The following HRH3 variants were observed in gnomAD, a reference collection of about 807,000 sequenced individuals.
HRH3 encodes histamine H3 receptor.
In HRH3, 13 loss-of-function variants were observed where a neutral mutation model predicts 21.6. The observed-to-expected ratio is 0.60, with a 90% confidence interval of 0.39 to 0.96. The LOEUF is 0.96. Among genes scored for constraint, HRH3 ranks in the 40% least tolerant of loss-of-function variants. HRH3 has a pLI of 0.00. For synonymous variants in HRH3, 276 were observed against 290.3 expected (o/e 0.95, Z 0.50); for missense variants, 461 against 622.7 (o/e 0.74, Z 2.76).
At position 62,216,471 on chromosome 20, in the gene HRH3, G is replaced by T; in HGVS notation, c.873C>A (p.Leu291=). The change falls in exon 3 of 3, where the codon CTC becomes CTA. Residue 291 remains leucine (L), a synonymous_variant. Transcript: ENST00000340177. ...AVGAEAGEAT[L]GGGGGGGSVA... is the part of the protein sequence containing the mutation. The stretch of plus-strand genomic sequence containing the variant: ...CGGAGCCGCCCCCACCGCCACCCCC[G>T]AGGGTCGCCTCCCCGGCCTCAGCGC... The T allele has an allele frequency of 6.4e-7, 1 of 1,552,892 alleles. No homozygotes were observed. The highest frequency in any genetic ancestry group is 1.2e-5 in the South Asian group (1 of 84,714).
At position 62,216,107 on chromosome 20, in the gene HRH3, G is replaced by A. The variant is rs1447757029; in HGVS notation, c.1237C>T (p.Pro413Ser). The A allele has an allele frequency of 1.2e-6, 2 of 1,612,758 alleles. No homozygotes were observed. The highest frequency in any genetic ancestry group is 1.7e-6 in the Non-Finnish European group (2 of 1,179,814). The change falls in exon 3 of 3, where the codon CCT becomes TCT. Residue 413 changes from proline to serine, a missense_variant. Physicochemically the swap from Pro to Ser is moderately conservative, Grantham distance 74. This residue lies in a region of HRH3 where 102 missense variants were observed against 166.6 expected (regional missense o/e 0.61). Coordinates refer to ENST00000340177, the MANE Select transcript of HRH3 (RefSeq NM_007232.3). ...ANSAVNPVLY[P>S]LCHHSFRRAF... Reference sequence around the variant, plus strand: ...CGGCGGAAGCTGTGGTGGCACAGAGGGTAGAGGACAGGGTTGACAGCCGAG... The same window carrying A: ...CGGCGGAAGCTGTGGTGGCACAGAGAGTAGAGGACAGGGTTGACAGCCGAG...
In HRH3 at chr20:62,220,151, C is replaced by A; in HGVS notation, c.-181G>T. 3 of 372,796 alleles carry A rather than the reference C, an allele frequency of 8.0e-6. No individual in the cohort carries two copies. In the South Asian group the frequency reaches 3.0e-4, roughly 37 times the overall value. The allele number at this position is 372,796 out of a possible 1,614,324, so 23.1% of individuals were successfully genotyped here. ...GGGCCGGGGCCAGAGCAGGCGGTGC[C>A]GAGGGGGCCGGGGCCGGATCCGAGC... On this transcript the variant is annotated 5_prime_UTR_variant, in exon 1 of 3. Coordinates refer to ENST00000340177, the MANE Select transcript of HRH3 (RefSeq NM_007232.3).
In HRH3 at chr20:62,216,482, C is replaced by T. The variant is rs1346726715; in HGVS notation, c.862G>A (p.Glu288Lys). The T allele has an allele frequency of 6.4e-7, 1 of 1,564,480 alleles. No individual in the cohort carries two copies. Among genetic ancestry groups the T allele is most frequent in the Non-Finnish European group, 8.7e-7 (1 of 1,155,500 alleles). ...CCACCGCCACCCCCGAGGGTCGCCTCCCCGGCCTCAGCGCCTACGGCCGCC... is the reference window on the plus strand; with the variant it reads ...CCACCGCCACCCCCGAGGGTCGCCTTCCCGGCCTCAGCGCCTACGGCCGCC... ...GEAAVGAEAG[E>K]ATLGGGGGGG... The change falls in exon 3 of 3, where the codon GAG (glutamate) becomes AAG (lysine). Residue 288 changes from glutamate to lysine, a missense_variant. By Grantham distance (56) the Glu-to-Lys change is moderately conservative. Coordinates refer to ENST00000340177, the MANE Select transcript of HRH3 (RefSeq NM_007232.3).
In HRH3 at chr20:62,215,847, C is replaced by T. The variant is rs199566955; in HGVS notation, c.*159G>A. 1.5e-5 allele frequency: 11 copies of T among 735,372 alleles called. No homozygotes were observed. Among genetic ancestry groups the T allele is most frequent in the African/African-American group, 1.1e-4 (6 of 56,232 alleles). 45.6% of individuals were successfully genotyped at this position (735,372 alleles called of 1,614,324 possible). ...GGGCCCTCTGGCCAACCCAGGAAGG[C>T]GCCTCCATGGCAGGGTGGCTGCCGT... On this transcript the variant is annotated 3_prime_UTR_variant, in exon 3 of 3. Transcript: ENST00000340177.
chr20:62,217,782 T>G (rs894884567), intron 2 of HRH3, among the ~76,000 whole-genome samples: 2 of 152,156 alleles, frequency 1.3e-5, no homozygotes, highest in Admixed American at 6.5e-5. Context: ...GTGGCAGCTC[T>G]CCTTGTGCCC....
intron 2 of HRH3, among the ~76,000 whole-genome samples, chr20:62,217,136 GC>G (rs978330199): frequency 6.6e-5 from 10 of 152,050 alleles, no homozygotes; most frequent in African/African-American, 2.2e-4. Flanking sequence ...CTCAGTGAGA[GC>G]CTCAGAAGCT....
rs1978700323 is a variant in HRH3 at position 62,219,107 on chromosome 20, G to C, written c.251-450C>G. 6.6e-6 allele frequency among the ~76,000 whole-genome samples: 1 copy of C among 151,852 alleles called. No individual in the cohort carries two copies. Among genetic ancestry groups the C allele is most frequent in the Non-Finnish European group, 1.5e-5 (1 of 67,934 alleles). On this transcript the variant is annotated intron_variant, in intron 1 of 2. Transcript: ENST00000340177. This position sits in a 1 kb window ranked among gnomAD's most constrained non-coding sequence, Gnocchi z 8.7. The stretch of plus-strand genomic sequence containing the variant: ...GAGAAAGCCTTTCTCCTGGCTGAAA[G>C]GGCACTTGGTTGCAGCCGCCAGCCG...
chr20:62,215,522 G>A lies in HRH3; in HGVS notation c.*484C>T, dbSNP rs201308420. ...GAGGGGTGAAAGGGCCAGGCCTGAG[G>A]CTTATGCAAGAGACAGAAGGCAGCA... On this transcript the variant is annotated 3_prime_UTR_variant, in exon 3 of 3. Transcript: ENST00000340177. 6.6e-6 allele frequency: 3 copies of A among 453,840 alleles called. No homozygotes were observed. Among genetic ancestry groups the A allele is most frequent in the African/African-American group, 4.0e-5 (2 of 49,924 alleles). 28.1% of individuals were successfully genotyped at this position (453,840 alleles called of 1,614,324 possible).
chr20:62,216,787 C>T lies in HRH3; in HGVS notation c.557G>A (p.Gly186Asp), dbSNP rs202132887. 9 of 1,613,096 alleles carry T rather than the reference C, an allele frequency of 5.6e-6. No individual in the cohort carries two copies. In the South Asian group the frequency reaches 7.7e-5, roughly 14 times the overall value. The change falls in exon 3 of 3, where the codon GGC becomes GAC. Residue 186 changes from glycine to aspartate, a missense_variant. By Grantham distance (94) the Gly-to-Asp change is moderately conservative (BLOSUM62 -1). Coordinates refer to ENST00000340177, the MANE Select transcript of HRH3 (RefSeq NM_007232.3). ...GTAGAAGAACTCGGCATAGCAGTGG[C>T]CCTCGGGGATGGAGCTGCCCCCGGA... ...YLSGGSSIPE[G>D]HCYAEFFYNW...
chr20:62,216,917 G>C lies in HRH3; in HGVS notation c.427C>G (p.Arg143Gly). The stretch of plus-strand genomic sequence containing the variant: ...CGCCGCGTGTCACCCTGCTGGGCCC[G>C]GTATGAGACCTGCAGAAGGGCAGGC... ...FLSVTRAVSYRAQQGDTRRAV... is the reference protein window; with the variant it reads ...FLSVTRAVSYGAQQGDTRRAV... The change falls in exon 3 of 3, where the codon CGG (arginine) becomes GGG (glycine). Residue 143 changes from arginine (R) to glycine (G), a missense_variant. By Grantham distance (125) the Arg-to-Gly change is moderately radical (BLOSUM62 -2). This residue lies in a region of HRH3 where 74 missense variants were observed against 86.6 expected (regional missense o/e 0.85). Transcript: ENST00000340177. 1.2e-6 allele frequency: 2 copies of C among 1,602,032 alleles called. No homozygotes were observed. Among genetic ancestry groups the C allele is most frequent in the Non-Finnish European group, 1.7e-6 (2 of 1,173,256 alleles).
In HRH3 at chr20:62,218,637, A is replaced by G; in HGVS notation, c.271T>C (p.Tyr91His). The G allele has an allele frequency of 6.2e-7, 1 of 1,612,040 alleles. No homozygotes were observed. The highest frequency in any genetic ancestry group is 8.5e-7 in the Non-Finnish European group (1 of 1,179,814). Residue 91 changes from tyrosine (Y) to histidine (H), a missense_variant, in exon 2 of 3, where the codon TAT (tyrosine) becomes CAT (histidine). Tyr to His is a moderately conservative substitution (Grantham distance 83). Transcript: ENST00000340177. This position sits in a 1 kb window ranked among gnomAD's most constrained non-coding sequence, Gnocchi z 5.6. ...FLVGAFCIPL[Y>H]VPYVLTGRWT... The stretch of plus-strand genomic sequence containing the variant: ...CGGCCTGTCAGCACGTAGGGTACAT[A>G]CAGTGGGATGCAGAAGGCGCCTGTG...
intron 2 of HRH3, 85 bp from the exon 3 acceptor site, chr20:62,217,011 G>T (rs1978596857): frequency 7.6e-7 from 1 of 1,311,108 alleles, no homozygotes; most frequent in Non-Finnish European, 1.0e-6. Context: ...CCCTATGTGG[G>T]CCCTTCCCTC....
At position 62,219,808 on chromosome 20, in the gene HRH3, C is replaced by T. The variant is rs1448839864; in HGVS notation, c.163G>A (p.Val55Ile). The T allele has an allele frequency of 2.5e-6, 4 of 1,605,380 alleles. No homozygotes were observed. The highest frequency in any genetic ancestry group is 3.4e-6 in the Non-Finnish European group (4 of 1,176,594). Residue 55 changes from valine to isoleucine, a missense_variant, in exon 1 of 3, where the codon GTC becomes ATC. By Grantham distance (29) the Val-to-Ile change is conservative. Coordinates refer to ENST00000340177, the MANE Select transcript of HRH3 (RefSeq NM_007232.3). This position sits in a 1 kb window ranked among gnomAD's most constrained non-coding sequence, Gnocchi z 8.7. ...GAGTCGGCCACGAAGGCGAGCATGACCAGCGCGTTGCCCAGCACCGTGGCC... is the reference window on the plus strand; with the variant it reads ...GAGTCGGCCACGAAGGCGAGCATGATCAGCGCGTTGCCCAGCACCGTGGCC... Reference protein sequence around the residue: ...IVATVLGNALVMLAFVADSSL... With the variant: ...IVATVLGNALIMLAFVADSSL...
chr20:62,217,105 C>T (rs1978601746), intron 2 of HRH3, among the ~76,000 whole-genome samples, 179 bp from the exon 3 acceptor site: 1 of 152,090 alleles, frequency 6.6e-6, no homozygotes, highest in Admixed American at 6.5e-5. Context: ...CACTGGGGTC[C>T]CGGACTGGTG....
chr20:62,218,736 G>T lies in HRH3; in HGVS notation c.251-79C>A. 7.1e-7 allele frequency: 1 copy of T among 1,405,766 alleles called. No homozygotes were observed. Among genetic ancestry groups the T allele is most frequent in the Non-Finnish European group, 9.8e-7 (1 of 1,025,638 alleles). The allele number at this position is 1,405,766 out of a possible 1,614,324, so 87.1% of individuals were successfully genotyped here. On this transcript the variant is annotated intron_variant, in intron 1 of 2. Coordinates refer to ENST00000340177, the MANE Select transcript of HRH3 (RefSeq NM_007232.3). This position sits in a 1 kb window ranked among gnomAD's most constrained non-coding sequence, Gnocchi z 5.6. ...CGGACCTAAGCGCAGACACCGGCGGGACCTGGGGTCACATGGTGGCTGCTT... is the reference window on the plus strand; with the variant it reads ...CGGACCTAAGCGCAGACACCGGCGGTACCTGGGGTCACATGGTGGCTGCTT...
Position 62,219,799 on chromosome 20 carries a change from C to T in HRH3, c.172G>A (p.Ala58Thr). The T allele has an allele frequency of 6.2e-7, 1 of 1,605,758 alleles. No homozygotes were observed. The highest frequency in any genetic ancestry group is 8.5e-7 in the Non-Finnish European group (1 of 1,176,752). The part of the protein sequence containing the change: ...TVLGNALVML[A>T]FVADSSLRTQ... The stretch of plus-strand genomic sequence containing the variant: ...CGGAGGCTCGAGTCGGCCACGAAGG[C>T]GAGCATGACCAGCGCGTTGCCCAGC... The change falls in exon 1 of 3, where the codon GCC becomes ACC. Residue 58 changes from alanine to threonine, a missense_variant. Ala to Thr is a moderately conservative substitution (Grantham distance 58). Transcript: ENST00000340177. The surrounding 1 kb of genome is among the most constrained non-coding windows in gnomAD (Gnocchi z 8.7).
rs200401431 is a variant in HRH3, at chr20:62,216,470, C to T, written c.874G>A (p.Gly292Arg). ...VGAEAGEATL[G>R]GGGGGGSVAS... ...ACGGAGCCGCCCCCACCGCCACCCCCGAGGGTCGCCTCCCCGGCCTCAGCG... is the reference window on the plus strand; with the variant it reads ...ACGGAGCCGCCCCCACCGCCACCCCTGAGGGTCGCCTCCCCGGCCTCAGCG... Residue 292 changes from glycine to arginine, a missense_variant, in exon 3 of 3, where the codon GGG (glycine) becomes AGG (arginine). Coordinates refer to ENST00000340177, the MANE Select transcript of HRH3 (RefSeq NM_007232.3). 1.3e-4 allele frequency: 196 copies of T among 1,552,222 alleles called. No individual in the cohort carries two copies. The highest frequency in any genetic ancestry group is 2.2e-4 in the Middle Eastern group (1 of 4,576).
At position 62,216,676 on chromosome 20, in the gene HRH3, A is replaced by G; in HGVS notation, c.668T>C (p.Leu223Pro). The G allele has an allele frequency of 6.2e-7, 1 of 1,612,938 alleles. No individual in the cohort carries two copies. The part of the protein sequence containing the change: ...SVTFFNLSIY[L>P]NIQRRTRLRL... ...GAGGCGGGTGCGCCTCTGGATGTTC[A>G]GGTAGATGCTGAGGTTAAAGAAGGT... The change falls in exon 3 of 3, where the codon CTG becomes CCG. Residue 223 changes from leucine (L) to proline (P), a missense_variant. By Grantham distance (98) the Leu-to-Pro change is moderately conservative. Around this residue, in one of 6 missense-constraint regions of HRH3, gnomAD observed 17 missense variants for 54.0 expected, o/e 0.31. Transcript: ENST00000340177.
At position 62,220,117 on chromosome 20, in the gene HRH3, GCGGGGC is replaced by G. The variant is rs1004801512; in HGVS notation, c.-153_-148del. The G allele has an allele frequency of 1.5e-5, 10 of 656,790 alleles. No homozygotes were observed. The highest frequency in any genetic ancestry group is 5.9e-5 in the African/African-American group (3 of 50,500). 40.7% of individuals were successfully genotyped at this position (656,790 alleles called of 1,614,324 possible). A position where few individuals can be genotyped will look rare whatever the true frequency, so the allele number is the denominator to read the frequency against. On this transcript the variant is annotated 5_prime_UTR_variant, in exon 1 of 3. Coordinates refer to ENST00000340177, the MANE Select transcript of HRH3 (RefSeq NM_007232.3). The stretch of plus-strand genomic sequence containing the variant: ...CCTGGGGGCGCCCAGCGCATGGTCC[GCGGGGC>G]CGGGGCCGGGGCCAGAGCAGGCGGT...
Sources: allele counts gnomAD v4.1 joint callset (sites outside exome capture counted in the v4.1 genomes callset), GRCh38; gene constraint gnomAD v4.1.1; regional missense constraint gnomAD v4.1.1; non-coding constraint Gnocchi (gnomAD v3.1); transcripts MANE v1.5; gene names NCBI Gene and HGNC (gene_info 2026-07-23, HGNC 2026-07-21).